The following COL12A1 variants were observed in gnomAD, a reference collection of about 807,000 sequenced individuals.
COL12A1 encodes the protein collagen type XII alpha 1 chain, also known as collagen alpha-1(XII) chain.
In COL12A1, 114 loss-of-function variants were observed where a neutral mutation model predicts 349.7. The ratio of observed to expected loss-of-function variants is 0.33; its 90% confidence interval spans 0.28 to 0.38. COL12A1 has a LOEUF of 0.38. Among genes scored for constraint, COL12A1 ranks in the 10% least tolerant of loss-of-function variants. The pLI is 1.00. For synonymous variants in COL12A1, 1,369 were observed against 1,329.0 expected, an observed-to-expected ratio of 1.03 and a Z score of -0.66; for missense variants, 3,284 against 3,756.9, an observed-to-expected ratio of 0.87 and a Z score of 3.29.
At chr6:75,145,926 G>A (rs1243852499) in intron 24 of COL12A1, among the ~76,000 whole-genome samples, 176 bp downstream of exon 24, 1 of 152,132 alleles carries the variant, frequency 6.6e-6, no homozygotes, top group Non-Finnish European at 1.5e-5. Flanking sequence ...CAGTCACCGT[G>A]GGCAGTCCAT....
chr6:75,169,164 A>T (rs566247824), intron 13 of COL12A1, among the ~76,000 whole-genome samples: 1 of 152,280 alleles, frequency 6.6e-6, no homozygotes, highest in South Asian at 2.1e-4. Flanking sequence ...AGTGTTACCT[A>T]GCAAGGCATT....
At chr6:75,196,106 T>C (rs1207170396) in intron 2 of COL12A1, among the ~76,000 whole-genome samples, 1 of 152,208 alleles carries the variant, frequency 6.6e-6, no homozygotes, top group Non-Finnish European at 1.5e-5. Context: ...ATAATGATAT[T>C]CTCTCTACAA....
intron 32 of COL12A1, among the ~76,000 whole-genome samples, chr6:75,134,230 C>T (rs539111102): frequency 6.6e-6 from 1 of 152,150 alleles, no homozygotes; most frequent in Admixed American, 6.5e-5. Context: ...AAAGTAACAT[C>T]TTTCTCCACA....
chr6:75,148,017 G>A (rs1767289129), intron 22 of COL12A1, among the ~76,000 whole-genome samples: 1 of 152,032 alleles, frequency 6.6e-6, no homozygotes, highest in Non-Finnish European at 1.5e-5. Flanking sequence ...AAATGAATGG[G>A]TAAAAATAGA....
At position 75,109,078 on chromosome 6, in the gene COL12A1, T is replaced by C. The variant is rs1167733175; in HGVS notation, c.8040A>G (p.Ile2680Met). The change falls in exon 52 of 66, where the codon ATA becomes ATG. Residue 2680 changes from isoleucine (I) to methionine (M), a missense_variant. Coordinates refer to ENST00000322507, the MANE Select transcript of COL12A1 (RefSeq NM_004370.6). ...CAAGAATTTCATAACCATCAGTTGT[T>C]ATATTTCCAGCTTCCTTGATGTCTT... ...IEKDIKEAGN[I>M]TTDGYEILGK... is the part of the protein sequence containing the mutation. 1 of 1,612,676 alleles carries C rather than the reference T, an allele frequency of 6.2e-7. No individual in the cohort carries two copies. The highest frequency in any genetic ancestry group is 1.7e-5 in the Admixed American group (1 of 59,884).
intron 15 of COL12A1, 54 bp from the exon 16 acceptor site, chr6:75,155,908 TTTC>T: frequency 6.6e-7 from 1 of 1,516,180 alleles, no homozygotes; most frequent in South Asian, 1.3e-5. Context: ...GGCTTTGGGG[TTTC>T]TTTTTTATTA....
chr6:75,201,577 G>A (rs1562333159), intron 2 of COL12A1, among the ~76,000 whole-genome samples: 1 of 151,524 alleles, frequency 6.6e-6, no homozygotes, highest in Non-Finnish European at 1.5e-5. Context: ...GCTGTCACTT[G>A]GCAGAAGTGT....
At chr6:75,129,199 T>C (rs1766175987) in intron 37 of COL12A1, among the ~76,000 whole-genome samples, 1 of 152,238 alleles carries the variant, frequency 6.6e-6, no homozygotes. Flanking sequence ...ACTGTAGTAG[T>C]ACTGTTTATC....
chr6:75,092,893 A>T (rs1425063660), intron 60 of COL12A1, among the ~76,000 whole-genome samples: 1 of 151,590 alleles, frequency 6.6e-6, no homozygotes, highest in Non-Finnish European at 1.5e-5. Flanking sequence ...TCTCCATTTA[A>T]CTCCCTTCAC....
At chr6:75,201,534 T>TA (rs1770525131) in intron 2 of COL12A1, among the ~76,000 whole-genome samples, 1 of 151,784 alleles carries the variant, frequency 6.6e-6, no homozygotes, top group African/African-American at 2.4e-5. Flanking sequence ...TCACAGCCTC[T>TA]AAAAAAGCAC....
chr6:75,095,200 A>G, intron 59 of COL12A1, 21 bp from the exon 60 acceptor site: 1 of 1,597,288 alleles, frequency 6.3e-7, no homozygotes, highest in East Asian at 2.2e-5. Context: ...TGGAAAGGGA[A>G]GGGGACTGTT....
Position 75,095,112 on chromosome 6 carries a change from C to G in COL12A1, c.8645G>C (p.Arg2882Thr), listed in dbSNP as rs762180380. ...GKPGKPGDHG[R>T]PGPSGLKGEK... ...ACATGCAAGCTGTCCGCTTACTGGT[C>G]TGCCATGATCTCCAGGTTTTCCTGG... is the stretch of plus-strand genomic sequence containing the variant. The change falls in exon 60 of 66, where the codon AGA (arginine) becomes ACA (threonine). Residue 2882 changes from arginine to threonine, a missense_variant. By Grantham distance (71) the Arg-to-Thr change is moderately conservative. Around this residue, in one of 2 missense-constraint regions of COL12A1, gnomAD observed 683 missense variants for 932.1 expected, o/e 0.73. Transcript: ENST00000322507. The G allele has an allele frequency of 6.2e-7, 1 of 1,613,924 alleles. No individual in the cohort carries two copies. Among genetic ancestry groups the G allele is most frequent in the African/African-American group, 1.3e-5 (1 of 74,924 alleles).
intron 53 of COL12A1, 107 bp downstream of exon 53, chr6:75,106,312 C>G (rs1768542005): frequency 2.1e-6 from 2 of 956,368 alleles, no homozygotes; most frequent in Admixed American, 4.3e-5. Flanking sequence ...TCTTTTAGCT[C>G]CATCCTGAAT....
At chr6:75,105,333 A>G (rs898637892) in intron 53 of COL12A1, 41 bp from the exon 54 acceptor site, 5 of 1,503,142 alleles carry the variant, frequency 3.3e-6, no homozygotes, top group Admixed American at 1.8e-5. Flanking sequence ...AATTTAGAGG[A>G]AAAAAATGAC....
chr6:75,095,298 G>A, intron 59 of COL12A1, 119 bp from the exon 60 acceptor site: 2 of 763,636 alleles, frequency 2.6e-6, no homozygotes, highest in Non-Finnish European at 4.2e-6. Context: ...TACACATTCA[G>A]GAAAAATAAA....
chr6:75,160,164 G>C (rs1302485056), intron 14 of COL12A1, among the ~76,000 whole-genome samples: 6 of 151,874 alleles, frequency 4.0e-5, no homozygotes, highest in Non-Finnish European at 2.9e-5. Context: ...CTCTCACATT[G>C]TAAGTTCTTT....
intron 13 of COL12A1, 79 bp from the exon 14 acceptor site, chr6:75,165,858 G>C (rs1216011995): frequency 6.4e-6 from 9 of 1,397,230 alleles, no homozygotes; most frequent in Non-Finnish European, 5.9e-6. Context: ...GATCCTGGTA[G>C]AGATTCTGAC....
intron 16 of COL12A1, 86 bp from the exon 17 acceptor site, chr6:75,154,623 T>C: frequency 2.1e-6 from 3 of 1,397,544 alleles, no homozygotes; most frequent in South Asian, 1.5e-5. Flanking sequence ...AAGACATTTT[T>C]CTTGATTTAC....
At chr6:75,161,079 A>G (rs1468295812) in intron 14 of COL12A1, among the ~76,000 whole-genome samples, 1 of 152,128 alleles carries the variant, frequency 6.6e-6, no homozygotes, top group Non-Finnish European at 1.5e-5. Context: ...AGGCACACAC[A>G]CACACACCCA....
Sources: gnomAD v4.1 joint callset for allele counts (sites outside exome capture counted in the v4.1 genomes callset) on GRCh38, gnomAD v4.1.1 for gene constraint, gnomAD v4.1.1 regional missense constraint, MANE v1.5 for transcripts, NCBI Gene and HGNC (gene_info 2026-07-23, HGNC 2026-07-21) for gene names.